NCF2: variants seen among roughly 807,000 people sequenced by gnomAD.
NCF2 encodes the protein neutrophil cytosol factor 2.
In NCF2, 45 loss-of-function variants were observed where a neutral mutation model predicts 70.9. That is an observed-to-expected ratio of 0.63 (90% CI 0.50 to 0.81). The LOEUF is 0.81. NCF2 is among the 40% of genes least tolerant of loss of function. The pLI is 0.00. For missense variants in NCF2, 522 were observed against 631.6 expected (o/e 0.83, Z 1.86); for synonymous variants, 203 against 233.6 (o/e 0.87, Z 1.19).
In NCF2 at chr1:183,587,595, CAAAAAAAAAAAAAAAAA is replaced by C. The variant is rs11287969; in HGVS notation, c.175-635_175-619del. On this transcript the variant is annotated intron_variant, in intron 1 of 14. Transcript: ENST00000367535. ...GGCAACAAAGTAAGGCACCCTGTCT[CAAAAAAAAAAAAAAAAA>C]AAAAAAAAAAAAATCCAATGATACA... Among the ~76,000 whole-genome samples the C allele has an allele frequency of 9.5e-5, 4 of 41,892 alleles. No individual in the cohort carries two copies. In the East Asian group the frequency reaches 3.8e-3, roughly 40 times the overall value. The allele number at this position is 41,892 out of a possible 152,430, so 27.5% of individuals were successfully genotyped here.
At position 183,560,254 on chromosome 1, in the gene NCF2, T is replaced by C; in HGVS notation, c.1310A>G (p.Asp437Gly). ...AGCTTTTTCACTTTCCTTGGGTTCA[T>C]CTGGAAAGCCTTGGTCACCCTGAAA... ...ENTVGDQGFP[D>G]EPKESEKADA... The change falls in exon 14 of 15, where the codon GAT becomes GGT. Residue 437 changes from aspartate (D) to glycine (G), a missense_variant. Physicochemically the swap from Asp to Gly is moderately conservative, Grantham distance 94. Transcript: ENST00000367535. 1 of 1,614,194 alleles carries C rather than the reference T, an allele frequency of 6.2e-7. No homozygotes were observed. Among genetic ancestry groups the C allele is most frequent in the Non-Finnish European group, 8.5e-7 (1 of 1,180,028 alleles).
chr1:183,581,298 G>A (rs12737538), intron 2 of NCF2, among the ~76,000 whole-genome samples: 45,659 of 106,178 alleles, frequency 0.43, 10,900 homozygotes, highest in East Asian at 0.66. Context: ...AAAAAAAAAA[G>A]AAAGAAAGAA....
rs775020616 is a variant in NCF2, at chr1:183,577,641, G to A, written c.324C>T (p.Asp108=). Residue 108 remains aspartate (D), a synonymous_variant, in exon 3 of 15, where the codon GAC becomes GAT. Transcript: ENST00000367535. ...LIQLRGNQLI[D]YKILGLQFKL... ...TGAACTGGAGCCCCAGGATCTTATAGTCTATCAGCTGGTTCCCTCGAAGCT... is the reference window on the plus strand; with the variant it reads ...TGAACTGGAGCCCCAGGATCTTATAATCTATCAGCTGGTTCCCTCGAAGCT... 8.7e-6 allele frequency: 14 copies of A among 1,613,940 alleles called. No individual in the cohort carries two copies. Among genetic ancestry groups the A allele is most frequent in the Admixed American group, 6.7e-5 (4 of 59,986 alleles).
chr1:183,597,635 C>T, the NCF2 span: 2 of 152,164 alleles, frequency 1.3e-5, no homozygotes, highest in African/African-American at 4.8e-5. Context: ...CTTTTGGAGT[C>T]CCCAGTGTCT....
At chr1:183,557,454 A>T (rs999670668) in intron 14 of NCF2, among the ~76,000 whole-genome samples, 13 of 152,242 alleles carry the variant, frequency 8.5e-5, no homozygotes, top group Non-Finnish European at 1.8e-4. Context: ...CCCAGATCCA[A>T]ACCAGAGTCA....
At chr1:183,600,895 G>A in the NCF2 span, among the ~76,000 whole-genome samples, 4 of 152,296 alleles carry the variant, frequency 2.6e-5, no homozygotes, top group South Asian at 2.1e-4. Flanking sequence ...CCCACTGACC[G>A]CATCAGAGCT....
chr1:183,596,695 T>C, the NCF2 span, among the ~76,000 whole-genome samples: 1 of 151,752 alleles, frequency 6.6e-6, no homozygotes, highest in East Asian at 1.9e-4. Context: ...TGAGCCGACA[T>C]TGCATCACTG....
intron 2 of NCF2, among the ~76,000 whole-genome samples, chr1:183,581,721 T>A (rs578169887): frequency 6.6e-6 from 1 of 151,412 alleles, no homozygotes; most frequent in South Asian, 2.1e-4. Flanking sequence ...CTGGCTGGAG[T>A]GCAGTGGCGC....
chr1:183,593,452 G>C (rs1673721693), upstream of NCF2, among the ~76,000 whole-genome samples: 1 of 152,022 alleles, frequency 6.6e-6, no homozygotes, highest in Non-Finnish European at 1.5e-5. Flanking sequence ...GAAGCCCCCT[G>C]CCTGCTGCCC....
intron 3 of NCF2, among the ~76,000 whole-genome samples, chr1:183,575,911 A>C (rs1672781660): frequency 6.6e-6 from 1 of 152,334 alleles, no homozygotes; most frequent in Admixed American, 6.5e-5. Flanking sequence ...GACTCCTTTC[A>C]GTCCTATTTC....
intron 13 of NCF2, among the ~76,000 whole-genome samples, chr1:183,560,813 T>C (rs917872841): frequency 5.3e-5 from 8 of 152,230 alleles, no homozygotes; most frequent in East Asian, 3.8e-4. Context: ...TCTTAAAATA[T>C]CTTACTGAAA....
intron 2 of NCF2, among the ~76,000 whole-genome samples, chr1:183,585,657 C>A (rs1386904351): frequency 1.4e-5 from 2 of 140,912 alleles, no homozygotes; most frequent in African/African-American, 2.9e-5. Context: ...TAGCCTGAGC[C>A]AAATTCCTCT....
chr1:183,567,085 A>G (rs1672334529), intron 8 of NCF2, 97 bp from the exon 9 acceptor site: 1 of 1,605,630 alleles, frequency 6.2e-7, no homozygotes, highest in Admixed American at 1.7e-5. Context: ...GGAAGGGATG[A>G]CGAACAGACA....
chr1:183,582,392 T>G (rs927821987), intron 2 of NCF2, among the ~76,000 whole-genome samples: 1 of 152,120 alleles, frequency 6.6e-6, no homozygotes, highest in African/African-American at 2.4e-5. Flanking sequence ...CCAAAGCCCC[T>G]CCCCTCCCAG....
Position 183,565,752 on chromosome 1 carries a change from G to A in NCF2, c.952C>T (p.Pro318Ser). The change falls in exon 10 of 15, where the codon CCA (proline) becomes TCA (serine). Residue 318 changes from proline (P) to serine (S), a missense_variant. By Grantham distance (74) the Pro-to-Ser change is moderately conservative (BLOSUM62 -1). Coordinates refer to ENST00000367535, the MANE Select transcript of NCF2 (RefSeq NM_000433.4). Reference sequence around the variant, plus strand: ...GGGGCTTTGGAACTAGGAGGAGCTGGGATGTCGGACTGCGGAGAGCTTTCC... The same window carrying A: ...GGGGCTTTGGAACTAGGAGGAGCTGAGATGTCGGACTGCGGAGAGCTTTCC... ...QEESSPQSDI[P>S]APPSSKAPGR... 6.2e-7 allele frequency: 1 copy of A among 1,613,206 alleles called. No homozygotes were observed. Among genetic ancestry groups the A allele is most frequent in the Non-Finnish European group, 8.5e-7 (1 of 1,180,014 alleles).
In NCF2 at chr1:183,563,575, A is replaced by G. The variant is rs1161197894; in HGVS notation, c.1037T>C (p.Leu346Pro). 3 of 1,613,528 alleles carry G rather than the reference A, an allele frequency of 1.9e-6. No individual in the cohort carries two copies. The Admixed American group carries it at 5.0e-5, about 27-fold the overall frequency. Residue 346 changes from leucine to proline, a missense_variant, in exon 12 of 15, where the codon CTC (leucine) becomes CCC (proline). Physicochemically the swap from Leu to Pro is moderately conservative, Grantham distance 98 (BLOSUM62 -3). Coordinates refer to ENST00000367535, the MANE Select transcript of NCF2 (RefSeq NM_000433.4). ...KQKEEPKEVK[L>P]SVPMPYTLKV... ...GAGTGTGTAGGGCATGGGAACACTG[A>G]GCTTCACTTCCTGAGTGGGGAGGAA...
chr1:183,582,468 A>C (rs1471489521), intron 2 of NCF2, among the ~76,000 whole-genome samples: 1 of 152,176 alleles, frequency 6.6e-6, no homozygotes, highest in East Asian at 1.9e-4. Context: ...GGCTTGAGAG[A>C]GTTTATAATC....
chr1:183,588,662 C>A (rs1057019363), intron 1 of NCF2, among the ~76,000 whole-genome samples: 2 of 151,818 alleles, frequency 1.3e-5, no homozygotes, highest in Non-Finnish European at 2.9e-5. Flanking sequence ...CAAACTTATA[C>A]ATGAATAGTA....
upstream of NCF2, among the ~76,000 whole-genome samples, chr1:183,594,387 T>C (rs1673735303): frequency 6.6e-6 from 1 of 152,206 alleles, no homozygotes. Flanking sequence ...CCAGCCTAGG[T>C]GACTGAGCAA....
Sources: allele counts gnomAD v4.1 joint callset (sites outside exome capture counted in the v4.1 genomes callset), GRCh38; gene constraint gnomAD v4.1.1; transcripts MANE v1.5; gene names NCBI Gene and HGNC (gene_info 2026-07-23, HGNC 2026-07-21).